VPS13A: variants seen among roughly 807,000 people sequenced by gnomAD.
VPS13A encodes intermembrane lipid transfer protein VPS13A.
A neutral mutation model predicts 390.9 loss-of-function variants in VPS13A; 264 were observed. The ratio of observed to expected loss-of-function variants is 0.68; its 90% CI spans 0.61 to 0.75. The LOEUF is 0.75. VPS13A is among the 30% of genes least tolerant of loss of function. VPS13A has a pLI of 0.00. For missense variants in VPS13A, 3,409 were observed against 3,733.9 expected (o/e 0.91, Z 2.27); for synonymous variants, 1,231 against 1,227.1 (o/e 1.00, Z -0.07).
chr9:77,209,470 A>G lies in VPS13A; in HGVS notation c.433A>G (p.Thr145Ala), dbSNP rs1253954788. Residue 145 changes from threonine to alanine, a missense_variant, in exon 6 of 72, where the codon ACA (threonine) becomes GCA (alanine). By Grantham distance (58) the Thr-to-Ala change is moderately conservative. This residue lies in a region of VPS13A where 2,717 missense variants were observed against 2,917.4 expected (regional missense o/e 0.93). Transcript: ENST00000360280. ...KQDTFAEKLV[T>A]QIIKNLQVKI... ...GGACACTTTTGCAGAAAAATTAGTT[A>G]CACAGATCATAAAAAATCTTCAGGT... 6.2e-7 allele frequency: 1 copy of G among 1,612,662 alleles called. No homozygotes were observed. The highest frequency in any genetic ancestry group is 1.7e-5 in the Admixed American group (1 of 59,980).
At chr9:77,257,720 T>C (rs1190265815) in intron 22 of VPS13A, among the ~76,000 whole-genome samples, 2 of 152,160 alleles carry the variant, frequency 1.3e-5, no homozygotes, top group Non-Finnish European at 2.9e-5. Context: ...GGGTTATGAT[T>C]ATGTCACTGC....
chr9:77,269,650 G>A (rs1317152868), intron 23 of VPS13A, among the ~76,000 whole-genome samples: 1 of 152,072 alleles, frequency 6.6e-6, no homozygotes, highest in Admixed American at 6.6e-5. Context: ...CATTAACATG[G>A]TATATCTCTC....
chr9:77,365,708 T>G, intron 60 of VPS13A, 135 bp downstream of exon 60: 1 of 572,316 alleles, frequency 1.7e-6, no homozygotes, highest in Non-Finnish European at 3.0e-6. Context: ...GAATTACCCT[T>G]TTACATTTTT....
At chr9:77,276,660 C>A (rs1826688028) in intron 26 of VPS13A, among the ~76,000 whole-genome samples, 1 of 152,190 alleles carries the variant, frequency 6.6e-6, no homozygotes, top group Non-Finnish European at 1.5e-5. Context: ...GGGTCCATTT[C>A]ATTGTTCAGT....
intron 7 of VPS13A, 95 bp from the exon 8 acceptor site, chr9:77,212,874 G>A: frequency 7.8e-7 from 1 of 1,285,100 alleles, no homozygotes; most frequent in South Asian, 1.2e-5. Context: ...TTCATGAAAG[G>A]GACATTGGTC....
Position 77,250,227 on chromosome 9 carries a change from T to C in VPS13A, c.2168T>C (p.Val723Ala). The C allele has an allele frequency of 6.2e-7, 1 of 1,613,184 alleles. No homozygotes were observed. Among genetic ancestry groups the C allele is most frequent in the Non-Finnish European group, 8.5e-7 (1 of 1,179,816 alleles). The change falls in exon 21 of 72, where the codon GTT becomes GCT. Residue 723 changes from valine (V) to alanine (A), a missense_variant and splice_region_variant. This residue lies in a region of VPS13A where 2,717 missense variants were observed against 2,917.4 expected (regional missense o/e 0.93). Transcript: ENST00000360280. ...LTSVQLLYSRVGDNWREARKL... is the reference protein window; with the variant it reads ...LTSVQLLYSRAGDNWREARKL... ...AGTGTACAGCTGCTTTACAGTAGAG[T>C]TGGTGAGTATAAAATGCATTATTTG...
chr9:77,179,295 G>A (rs776314807), intron 1 of VPS13A, among the ~76,000 whole-genome samples: 4 of 152,114 alleles, frequency 2.6e-5, no homozygotes, highest in Non-Finnish European at 5.9e-5. Flanking sequence ...ATGCTAAGAG[G>A]CATGTATGCA....
In VPS13A at chr9:77,226,565, A is replaced by G. The variant is rs767220287; in HGVS notation, c.1324A>G (p.Thr442Ala). The change falls in exon 15 of 72, where the codon ACT becomes GCT. Residue 442 changes from threonine (T) to alanine (A), a missense_variant. Physicochemically the swap from Thr to Ala is moderately conservative, Grantham distance 58 (BLOSUM62 0). Transcript: ENST00000360280. Reference protein sequence around the residue: ...SWLWSWSEQNTNEQQPDVQPE... With the variant: ...SWLWSWSEQNANEQQPDVQPE... ...GCTATGGTCTTGGTCAGAACAAAAT[A>G]CTAATGAACAGCAACCAGATGTTCA... 7 of 1,612,964 alleles carry G rather than the reference A, an allele frequency of 4.3e-6. No individual in the cohort carries two copies. The highest frequency in any genetic ancestry group is 2.2e-5 in the East Asian group (1 of 44,734).
At chr9:77,260,301 T>C in intron 23 of VPS13A, 77 bp downstream of exon 23, 1 of 1,512,416 alleles carries the variant, frequency 6.6e-7, no homozygotes, top group South Asian at 1.2e-5. Context: ...TCACAGGAAT[T>C]TTATATAAGA....
At chr9:77,319,280 A>G (rs1222666628) in intron 41 of VPS13A, among the ~76,000 whole-genome samples, 1 of 151,780 alleles carries the variant, frequency 6.6e-6, no homozygotes, top group Admixed American at 6.6e-5. Context: ...GAATATGTGG[A>G]TAATAATCTC....
chr9:77,296,087 A>G (rs1328943784), intron 33 of VPS13A, among the ~76,000 whole-genome samples: 1 of 152,216 alleles, frequency 6.6e-6, no homozygotes, highest in Non-Finnish European at 1.5e-5. Context: ...AAAATTTATT[A>G]TCTGAGGAAG....
At chr9:77,202,534 GA>G (rs1825390983) in intron 3 of VPS13A, among the ~76,000 whole-genome samples, 1 of 151,958 alleles carries the variant, frequency 6.6e-6, no homozygotes, top group Admixed American at 6.6e-5. Flanking sequence ...GGATATTGTA[GA>G]ATAATTTTAT....
intron 23 of VPS13A, among the ~76,000 whole-genome samples, chr9:77,266,221 C>G (rs1430360696): frequency 2.6e-5 from 4 of 152,134 alleles, no homozygotes; most frequent in South Asian, 4.1e-4. Context: ...ATTATGTGAT[C>G]AATTTTAGAA....
intron 15 of VPS13A, among the ~76,000 whole-genome samples, chr9:77,227,146 C>T (rs1432142789): frequency 6.6e-6 from 1 of 152,086 alleles, no homozygotes; most frequent in Admixed American, 6.6e-5. Flanking sequence ...ATATAGTTAG[C>T]CGTTTTTGAG....
intron 67 of VPS13A, among the ~76,000 whole-genome samples, chr9:77,378,746 G>C (rs1407991823): frequency 6.6e-6 from 1 of 151,494 alleles, no homozygotes; most frequent in Non-Finnish European, 1.5e-5. Flanking sequence ...TTTGGGATTA[G>C]TTTGCTTTTT....
intron 68 of VPS13A, among the ~76,000 whole-genome samples, chr9:77,402,671 C>T (rs1170420258): frequency 6.6e-6 from 1 of 152,112 alleles, no homozygotes; most frequent in Non-Finnish European, 1.5e-5. Flanking sequence ...CATGGATAGA[C>T]AGTGTTTCAA....
At chr9:77,267,866 A>G (rs1467107399) in intron 23 of VPS13A, among the ~76,000 whole-genome samples, 1 of 152,218 alleles carries the variant, frequency 6.6e-6, no homozygotes, top group Non-Finnish European at 1.5e-5. Context: ...TGCCCTGTCC[A>G]AAGTGGAGGA....
intron 17 of VPS13A, 73 bp downstream of exon 17, chr9:77,228,337 C>G (rs995077206): frequency 1.4e-6 from 2 of 1,415,418 alleles, no homozygotes; most frequent in East Asian, 2.5e-5. Context: ...AGGTCACAAT[C>G]TTAGTCTTTT....
chr9:77,339,660 C>G lies in VPS13A; in HGVS notation c.6523C>G (p.Gln2175Glu), dbSNP rs1830713939. Residue 2175 changes from glutamine (Q) to glutamate (E), a missense_variant, in exon 48 of 72, where the codon CAG (glutamine) becomes GAG (glutamate). Gln to Glu is a conservative substitution (Grantham distance 29). This residue lies in a region of VPS13A where 2,717 missense variants were observed against 2,917.4 expected (regional missense o/e 0.93). Coordinates refer to ENST00000360280, the MANE Select transcript of VPS13A (RefSeq NM_033305.3). The stretch of plus-strand genomic sequence containing the variant: ...AAGTGAATATCACATAAAGCCTAAT[C>G]AGCAAGACATTAGTTTTGTCAGTTT... ...WKSEYHIKPN[Q>E]QDISFVSFTC... The G allele has an allele frequency of 6.2e-7, 1 of 1,613,794 alleles. No individual in the cohort carries two copies. Among genetic ancestry groups the G allele is most frequent in the South Asian group, 1.1e-5 (1 of 91,074 alleles).
Sources: allele counts gnomAD v4.1 joint callset (sites outside exome capture counted in the v4.1 genomes callset), GRCh38; gene constraint gnomAD v4.1.1; regional missense constraint gnomAD v4.1.1; transcripts MANE v1.5; gene names NCBI Gene and HGNC (gene_info 2026-07-23, HGNC 2026-07-21).